The following RBFOX1 variants were observed in gnomAD, a reference collection of about 807,000 sequenced individuals.
RBFOX1 encodes RNA binding fox-1 homolog 1, also known as RNA binding protein fox-1 homolog 1.
RBFOX1 carries 8 observed loss-of-function variants against 57.7 expected under a neutral mutation model. The observed-to-expected ratio is 0.14, with a 90% CI of 0.08 to 0.25. The LOEUF (loss-of-function observed/expected upper bound fraction) is 0.25. Ranked by LOEUF, RBFOX1 falls within the 10% of genes least tolerant of loss-of-function variation. The pLI, the probability that RBFOX1 is intolerant of heterozygous loss-of-function variation, is 1.00. For synonymous variants in RBFOX1, 326 were observed against 222.4 expected, an observed-to-expected ratio of 1.47 and a Z score of -4.15; for missense variants, 611 against 548.5, an observed-to-expected ratio of 1.11 and a Z score of -1.14.
chr16:7,624,336 CT>C (rs1337411863), intron 10 of RBFOX1, among the ~76,000 whole-genome samples: 1 of 152,168 alleles, frequency 6.6e-6, no homozygotes, highest in Non-Finnish European at 1.5e-5. Context: ...ATAGTTATAT[CT>C]AATAAAAATT....
intron 2 of RBFOX1, among the ~76,000 whole-genome samples, chr16:6,357,653 C>T (rs556896391): frequency 6.2e-4 from 94 of 152,078 alleles, no homozygotes; most frequent in Middle Eastern, 3.4e-3. Context: ...TCTGAGTTCT[C>T]TACTGAGAGC....
chr16:7,047,054 T>A (rs2048229336), intron 3 of RBFOX1, among the ~76,000 whole-genome samples: 2 of 151,754 alleles, frequency 1.3e-5, no homozygotes, highest in African/African-American at 4.8e-5. Flanking sequence ...TTCCTTTTTT[T>A]TTTTTTTTGC....
intron 4 of RBFOX1, among the ~76,000 whole-genome samples, chr16:7,166,689 C>G (rs537493255): frequency 6.6e-6 from 1 of 152,112 alleles, no homozygotes; most frequent in Non-Finnish European, 1.5e-5. Flanking sequence ...CCCCAGTCTG[C>G]TGTCAGCCGA....
chr16:5,823,036 G>C (rs1446406742), intron 3 of RBFOX1, among the ~76,000 whole-genome samples: 1 of 152,106 alleles, frequency 6.6e-6, no homozygotes, highest in African/African-American at 2.4e-5. Context: ...TTATTCATCA[G>C]TTTAAAATTA....
chr16:7,608,982 G>A (rs1045810040), intron 10 of RBFOX1, among the ~76,000 whole-genome samples: 5 of 152,000 alleles, frequency 3.3e-5, no homozygotes, highest in African/African-American at 1.2e-4. Context: ...TGGGATCGGG[G>A]GCATGGCAGT....
At chr16:5,849,729 C>G (rs939159945) in intron 3 of RBFOX1, among the ~76,000 whole-genome samples, 1 of 152,150 alleles carries the variant, frequency 6.6e-6, no homozygotes. Flanking sequence ...TAGCATCTCG[C>G]CGATGCACAG....
At chr16:6,344,407 C>CCTTTTTTTTTTT (rs2085023975) in intron 2 of RBFOX1, among the ~76,000 whole-genome samples, 1 of 109,846 alleles carries the variant, frequency 9.1e-6, no homozygotes, top group African/African-American at 4.4e-5. Flanking sequence ...TCTTTTTTTT[C>CCTTTTTTTTTTT]TTTTTTTTTT....
At chr16:5,771,086 G>A (rs1314528900) in intron 3 of RBFOX1, among the ~76,000 whole-genome samples, 1 of 152,180 alleles carries the variant, frequency 6.6e-6, no homozygotes, top group African/African-American at 2.4e-5. Flanking sequence ...GTCATAAACT[G>A]CATTTTAAAC....
At chr16:7,495,804 A>G (rs1054884461) in intron 4 of RBFOX1, among the ~76,000 whole-genome samples, 3 of 152,246 alleles carry the variant, frequency 2.0e-5, no homozygotes, top group African/African-American at 7.2e-5. Flanking sequence ...TCCGCACTAG[A>G]GAACTTATTC....
chr16:7,200,310 A>C (rs2088006485), intron 4 of RBFOX1, among the ~76,000 whole-genome samples: 1 of 152,218 alleles, frequency 6.6e-6, no homozygotes, highest in South Asian at 2.1e-4. Context: ...TGAATAACTT[A>C]ATGGTGACAC....
chr16:7,426,912 C>A (rs917058159), intron 4 of RBFOX1, among the ~76,000 whole-genome samples: 4 of 152,158 alleles, frequency 2.6e-5, no homozygotes, highest in South Asian at 4.1e-4. Flanking sequence ...GGCAGATACA[C>A]ACCATGGAAT....
chr16:5,360,740 C>G (rs561899863), intron 1 of RBFOX1, among the ~76,000 whole-genome samples: 11 of 152,290 alleles, frequency 7.2e-5, no homozygotes, highest in African/African-American at 2.4e-4. Context: ...TCGACAGCTG[C>G]AGAAATGTCA....
intron 1 of RBFOX1, among the ~76,000 whole-genome samples, chr16:5,345,103 C>T (rs1014387199): frequency 2.0e-5 from 3 of 152,160 alleles, no homozygotes; most frequent in African/African-American, 4.8e-5. Context: ...GTGAAGACAT[C>T]GTTGTTCATC....
At chr16:6,347,777 G>C (rs1288159107) in intron 2 of RBFOX1, among the ~76,000 whole-genome samples, 2 of 152,220 alleles carry the variant, frequency 1.3e-5, no homozygotes, top group African/African-American at 4.8e-5. Context: ...AAAATTGACA[G>C]TCTACCTGCG....
At chr16:5,711,485 C>A (rs1444106502) in intron 3 of RBFOX1, among the ~76,000 whole-genome samples, 1 of 152,120 alleles carries the variant, frequency 6.6e-6, no homozygotes, top group African/African-American at 2.4e-5. Flanking sequence ...GACAATGTCA[C>A]TGTGAAGTGA....
intron 2 of RBFOX1, among the ~76,000 whole-genome samples, chr16:6,525,910 C>A (rs1479493762): frequency 1.3e-5 from 2 of 151,988 alleles, no homozygotes; most frequent in East Asian, 1.9e-4. Context: ...ACAGGAAATG[C>A]CTGTGTCTGC....
chr16:6,499,067 G>T (rs116977288), intron 2 of RBFOX1, among the ~76,000 whole-genome samples: 1 of 152,146 alleles, frequency 6.6e-6, no homozygotes, highest in African/African-American at 2.4e-5. Context: ...AGTTGGCTTC[G>T]CACAACTGTG....
intron 1 of RBFOX1, among the ~76,000 whole-genome samples, chr16:6,242,658 A>ACG (rs1396756734): frequency 7.5e-6 from 1 of 133,668 alleles, no homozygotes; most frequent in Non-Finnish European, 1.6e-5. Context: ...ACACACACAC[A>ACG]CACACATTCC....
chr16:7,222,183 C>CA (rs34004660), intron 4 of RBFOX1, among the ~76,000 whole-genome samples: 25,407 of 152,088 alleles, frequency 0.17, 2,572 homozygotes, highest in Non-Finnish European at 0.21. Flanking sequence ...GTGCCATAGA[C>CA]ACGACCACAC....
Sources: allele counts gnomAD v4.1 joint callset (sites outside exome capture counted in the v4.1 genomes callset), GRCh38; gene constraint gnomAD v4.1.1; transcripts MANE v1.5; gene names NCBI Gene and HGNC (gene_info 2026-07-23, HGNC 2026-07-21).